CNNM2: variants seen among roughly 807,000 people sequenced by gnomAD.
CNNM2 encodes the protein metal transporter CNNM2.
A neutral mutation model predicts 66.9 loss-of-function variants in CNNM2; 12 were observed. That is an observed-to-expected ratio of 0.18 (90% CI 0.11 to 0.29). CNNM2 has a LOEUF of 0.29. Among genes scored for constraint, CNNM2 ranks in the 10% least tolerant of loss-of-function variants. The pLI is 1.00. For synonymous variants in CNNM2, 557 were observed against 501.8 expected, an observed-to-expected ratio of 1.11 and a Z score of -1.47; for missense variants, 705 against 1,167.7, an observed-to-expected ratio of 0.60 and a Z score of 5.77.
chr10:102,979,969 G>A (rs192946097), intron 1 of CNNM2, among the ~76,000 whole-genome samples: 15 of 151,514 alleles, frequency 9.9e-5, no homozygotes, highest in East Asian at 3.9e-4. Context: ...CCTGGAGTGC[G>A]GCGGGGTGAT....
intron 1 of CNNM2, among the ~76,000 whole-genome samples, chr10:103,009,737 T>C (rs935240086): frequency 8.7e-5 from 13 of 149,586 alleles, no homozygotes; most frequent in African/African-American, 1.5e-4. Context: ...GTGGGAGATA[T>C]TGAAAATCAT....
intron 1 of CNNM2, among the ~76,000 whole-genome samples, chr10:102,985,531 C>G (rs1237036735): frequency 1.3e-5 from 2 of 152,126 alleles, no homozygotes; most frequent in African/African-American, 4.8e-5. Flanking sequence ...CCAGCAGACC[C>G]TGTCTCACTT....
At chr10:103,049,135 C>T (rs183506386) in intron 1 of CNNM2, among the ~76,000 whole-genome samples, 17 of 152,308 alleles carry the variant, frequency 1.1e-4, no homozygotes, top group Admixed American at 2.0e-4. Flanking sequence ...AGTGAGCCAT[C>T]GCTCCCAGCC....
chr10:103,076,338 G>C lies in CNNM2; in HGVS notation c.2418+68G>C, dbSNP rs538911197. ...TGTCAACTTCCCTGGCAAATTGTCT[G>C]TTTTGCTCCTTGCCCTCCTCAGAAC... On this transcript the variant is annotated intron_variant, in intron 7 of 7. Coordinates refer to ENST00000369878, the MANE Select transcript of CNNM2 (RefSeq NM_017649.5). 75 of 1,488,510 alleles carry C rather than the reference G, an allele frequency of 5.0e-5. 1 individual carries two copies. Among genetic ancestry groups the C allele is most frequent in the East Asian group, 4.2e-4 (17 of 40,508 alleles). The allele number at this position is 1,488,510 out of a possible 1,614,324, so 92.2% of individuals were successfully genotyped here. A position where few individuals can be genotyped will look rare whatever the true frequency, so the allele number is the denominator to read the frequency against.
intron 1 of CNNM2, among the ~76,000 whole-genome samples, chr10:102,994,162 C>CCTGA (rs1264642410): frequency 6.6e-6 from 1 of 152,140 alleles, no homozygotes; most frequent in Non-Finnish European, 1.5e-5. Context: ...GTCTTGAACC[C>CCTGA]CTGACCTCAA....
At chr10:103,044,750 G>A (rs1000896650) in intron 1 of CNNM2, among the ~76,000 whole-genome samples, 4 of 152,142 alleles carry the variant, frequency 2.6e-5, no homozygotes, top group African/African-American at 9.7e-5. Flanking sequence ...CTTCTCACCA[G>A]GAATTCCAAA....
At position 103,056,961 on chromosome 10, in the gene CNNM2, G is replaced by A. The variant is rs749217086; in HGVS notation, c.2070G>A (p.Leu690=). ...NKPVDYFVLI[L]QGKVEVEAGK... ...CAGTAGACTACTTCGTTCTCATTCT[G>A]CAGGTCAGAAGAATTATTCAATAGT... The change falls in exon 4 of 8, where the codon CTG becomes CTA. Residue 690 remains leucine, a synonymous_variant. Transcript: ENST00000369878. The A allele has an allele frequency of 9.9e-6, 16 of 1,609,112 alleles. No individual in the cohort carries two copies. The highest frequency in any genetic ancestry group is 1.3e-5 in the African/African-American group (1 of 74,594).
At chr10:103,026,976 T>G (rs1450853831) in intron 1 of CNNM2, among the ~76,000 whole-genome samples, 1 of 152,234 alleles carries the variant, frequency 6.6e-6, no homozygotes, top group Non-Finnish European at 1.5e-5. Flanking sequence ...ACTTGTTGAA[T>G]GAATTCATGA....
chr10:102,936,502 A>T (rs1254762477), intron 1 of CNNM2, among the ~76,000 whole-genome samples: 2 of 149,684 alleles, frequency 1.3e-5, no homozygotes, highest in Non-Finnish European at 3.0e-5. Context: ...AGAAGAGACA[A>T]AATGAAACTC....
intron 1 of CNNM2, among the ~76,000 whole-genome samples, chr10:102,924,570 CAT>C (rs1491500468): frequency 2.0e-5 from 3 of 151,976 alleles, no homozygotes; most frequent in African/African-American, 7.2e-5. Flanking sequence ...ATATTAAACA[CAT>C]TTTTTTCTCA....
At chr10:102,948,926 C>T (rs1288659770) in intron 1 of CNNM2, among the ~76,000 whole-genome samples, 11 of 151,986 alleles carry the variant, frequency 7.2e-5, no homozygotes, top group Admixed American at 5.9e-4. Flanking sequence ...AACCGGGGCC[C>T]GAAAAGTCAA....
intron 4 of CNNM2, among the ~76,000 whole-genome samples, chr10:103,065,373 A>G (rs1333404858): frequency 6.6e-6 from 1 of 152,230 alleles, no homozygotes; most frequent in African/African-American, 2.4e-5. Context: ...AGAGTCGGTA[A>G]TCTGGGAATC....
At chr10:102,927,560 G>T (rs778869244) in intron 1 of CNNM2, 15 of 1,127,012 alleles carry the variant, frequency 1.3e-5, no homozygotes, top group Admixed American at 2.7e-5. Context: ...AGGAGTTCCA[G>T]ACTGACAGTC....
intron 2 of CNNM2, among the ~76,000 whole-genome samples, chr10:103,050,908 T>C: frequency 6.6e-6 from 1 of 152,148 alleles, no homozygotes; most frequent in East Asian, 1.9e-4. Flanking sequence ...GGAGCTTAAA[T>C]CTTCTTTGGC....
At chr10:103,062,259 C>T (rs944643999) in intron 4 of CNNM2, among the ~76,000 whole-genome samples, 1 of 152,126 alleles carries the variant, frequency 6.6e-6, no homozygotes. Context: ...AAACGGGGGT[C>T]GTCTTGTGGA....
chr10:102,955,654 C>T (rs1847006505), intron 1 of CNNM2, among the ~76,000 whole-genome samples: 2 of 152,000 alleles, frequency 1.3e-5, no homozygotes, highest in Admixed American at 6.6e-5. Flanking sequence ...CCAGAATCTA[C>T]AAAGAACTTA....
intron 1 of CNNM2, among the ~76,000 whole-genome samples, chr10:103,042,567 C>G (rs1399317677): frequency 6.6e-6 from 1 of 152,142 alleles, no homozygotes; most frequent in Non-Finnish European, 1.5e-5. Context: ...TATTTTGGTC[C>G]TTGTGGTATG....
chr10:103,004,410 TC>T lies in CNNM2; in HGVS notation c.1622-45296del, dbSNP rs2064186311. Among the ~76,000 whole-genome samples the T allele has an allele frequency of 2.0e-5, 3 of 152,204 alleles. No homozygotes were observed. In the South Asian group the frequency reaches 6.2e-4, roughly 32 times the overall value. ...GTTGCTATGAATATTCTCGAACATG[TC>T]TTTTGGTGGACATCTGTGTGCATTT... On this transcript the variant is annotated intron_variant, in intron 1 of 7. Coordinates refer to ENST00000369878, the MANE Select transcript of CNNM2 (RefSeq NM_017649.5).
intron 2 of CNNM2, among the ~76,000 whole-genome samples, chr10:103,050,809 C>CT (rs1554903986): frequency 6.6e-6 from 1 of 152,000 alleles, no homozygotes. Context: ...GTATGGATAC[C>CT]TTATTTGCCC....
Sources: gnomAD v4.1 joint callset for allele counts (sites outside exome capture counted in the v4.1 genomes callset) on GRCh38, gnomAD v4.1.1 for gene constraint, MANE v1.5 for transcripts, NCBI Gene and HGNC (gene_info 2026-07-23, HGNC 2026-07-21) for gene names.